The following CACUL1 variants were observed in gnomAD, a reference collection of about 807,000 sequenced individuals.
The protein encoded by CACUL1 is CDK2 associated cullin domain 1.
A neutral mutation model predicts 45.2 loss-of-function variants in CACUL1; 13 were observed. That is an observed-to-expected ratio of 0.29 (90% CI 0.19 to 0.46). The LOEUF is 0.46. Ranked by LOEUF, CACUL1 falls within the 20% of genes least tolerant of loss-of-function variation. The pLI is 1.00. For missense variants in CACUL1, 421 were observed against 471.4 expected (o/e 0.89, Z 0.99); for synonymous variants, 197 against 174.2 (o/e 1.13, Z -1.03).
chr10:118,713,265 A>T (rs1044215963), intron 3 of CACUL1, among the ~76,000 whole-genome samples: 5 of 152,240 alleles, frequency 3.3e-5, no homozygotes, highest in African/African-American at 1.2e-4. Flanking sequence ...GAAGCCAGGC[A>T]GTAGTAACAG....
Position 118,686,178 on chromosome 10 carries a change from C to T in CACUL1, c.1070-10G>A. The stretch of plus-strand genomic sequence containing the variant: ...CATGCTGACGAGCTATCTGAAAAAA[C>T]ATCAGAATAGGAAAAAGTATGAAGA... On this transcript the variant is annotated splice_polypyrimidine_tract_variant and intron_variant, in intron 8 of 8. Coordinates refer to ENST00000369151, the MANE Select transcript of CACUL1 (RefSeq NM_153810.5). 6.2e-7 allele frequency: 1 copy of T among 1,609,698 alleles called. No individual in the cohort carries two copies. Among genetic ancestry groups the T allele is most frequent in the South Asian group, 1.1e-5 (1 of 90,992 alleles).
intron 5 of CACUL1, among the ~76,000 whole-genome samples, chr10:118,696,487 C>CA (rs1332348964): frequency 1.3e-5 from 2 of 152,052 alleles, no homozygotes; most frequent in South Asian, 2.1e-4. Context: ...ACTAAAAATA[C>CA]AAAAAAATTG....
chr10:118,742,987 T>C (rs1845806323), intron 1 of CACUL1, among the ~76,000 whole-genome samples: 1 of 152,244 alleles, frequency 6.6e-6, no homozygotes, highest in East Asian at 1.9e-4. Flanking sequence ...CTTTATTCAC[T>C]ATACTACTTC....
rs1845119860 is a variant in CACUL1, at chr10:118,678,599, C to T, written c.*7529G>A. The T allele has an allele frequency of 6.6e-6, 1 of 151,578 alleles. No homozygotes were observed. The highest frequency in any genetic ancestry group is 1.5e-5 in the Non-Finnish European group (1 of 67,992). The allele number at this position is 151,578 out of a possible 1,614,324, so 9.4% of individuals were successfully genotyped here. ...TGAGTGTTATCCCTTATATTCTCTACACTTATTTAGGTCCATTAAGTTTTT... is the reference window on the plus strand; with the variant it reads ...TGAGTGTTATCCCTTATATTCTCTATACTTATTTAGGTCCATTAAGTTTTT... On this transcript the variant is annotated 3_prime_UTR_variant, in exon 9 of 9. Transcript: ENST00000369151.
chr10:118,729,787 G>T (rs1237127307), intron 2 of CACUL1, among the ~76,000 whole-genome samples: 1 of 152,196 alleles, frequency 6.6e-6, no homozygotes, highest in African/African-American at 2.4e-5. Context: ...ACTCACGGAA[G>T]TGTTTGCAAT....
rs566154565 is a variant in CACUL1 at position 118,754,348 on chromosome 10, C to T, written c.367+48G>A. The T allele has an allele frequency of 1.3e-5, 19 of 1,446,480 alleles. No homozygotes were observed. The East Asian group carries it at 3.6e-4, about 28-fold the overall frequency. 89.6% of individuals were successfully genotyped at this position (1,446,480 alleles called of 1,614,324 possible). A position where few individuals can be genotyped will look rare whatever the true frequency, so the allele number is the denominator to read the frequency against. ...TCCAAGAGGGGGTGGATTCGGCGTC[C>T]GAGTGAGGTGGAGAAAAGCCAAGGC... On this transcript the variant is annotated intron_variant, in intron 1 of 8. Coordinates refer to ENST00000369151, the MANE Select transcript of CACUL1 (RefSeq NM_153810.5).
At chr10:118,710,537 G>A (rs116168187) in intron 3 of CACUL1, among the ~76,000 whole-genome samples, 2,211 of 152,230 alleles carry the variant, frequency 0.015, 51 homozygotes, top group African/African-American at 0.05. Context: ...CTCCCTGACT[G>A]TTCTTTCTAC....
In CACUL1 at chr10:118,685,971, A is replaced by G. The variant is rs1438968992; in HGVS notation, c.*157T>C. 2 of 416,196 alleles carry G rather than the reference A, an allele frequency of 4.8e-6. No individual in the cohort carries two copies. Among genetic ancestry groups the G allele is most frequent in the East Asian group, 7.1e-5 (2 of 27,988 alleles). 25.8% of individuals were successfully genotyped at this position (416,196 alleles called of 1,614,324 possible). On this transcript the variant is annotated 3_prime_UTR_variant, in exon 9 of 9. Transcript: ENST00000369151. ...TTTTTTTTTTTTTAGTTTTTGTTTT[A>G]AAATTACAAACCAAGTAAGAAGTCC...
Position 118,681,029 on chromosome 10 carries a change from G to A in CACUL1, c.*5099C>T, listed in dbSNP as rs552521230. ...TTATTTCATTTACCACAATGTTTTA[G>A]AGTGAAAGTATATGCCCTAATACAG... On this transcript the variant is annotated 3_prime_UTR_variant, in exon 9 of 9. Transcript: ENST00000369151. The A allele has an allele frequency of 2.6e-4, 40 of 152,328 alleles. No homozygotes were observed. The highest frequency in any genetic ancestry group is 9.6e-4 in the African/African-American group (40 of 41,572). 9.4% of individuals were successfully genotyped at this position (152,328 alleles called of 1,614,324 possible). A position where few individuals can be genotyped will look rare whatever the true frequency, so the allele number is the denominator to read the frequency against.
rs557995944 is a variant in CACUL1 at position 118,753,742 on chromosome 10, C to T, written c.367+654G>A. On this transcript the variant is annotated intron_variant, in intron 1 of 8. Transcript: ENST00000369151. ...ACAAGACATAACCCATCCTGAAAGG[C>T]TTATTCTTATGAGTGTAAGCTCTGA... is the stretch of plus-strand genomic sequence containing the variant. 3.3e-5 allele frequency among the ~76,000 whole-genome samples: 5 copies of T among 152,318 alleles called. No individual in the cohort carries two copies. In the East Asian group the frequency reaches 7.7e-4, roughly 23 times the overall value.
At chr10:118,701,118 T>A (rs562592154) in intron 5 of CACUL1, among the ~76,000 whole-genome samples, 188 bp downstream of exon 5, 23 of 152,086 alleles carry the variant, frequency 1.5e-4, no homozygotes, top group African/African-American at 4.8e-4. Flanking sequence ...TGCTCACAGC[T>A]CACCGGGTGA....
chr10:118,710,616 A>T (rs1845475415), intron 3 of CACUL1, among the ~76,000 whole-genome samples: 1 of 152,024 alleles, frequency 6.6e-6, no homozygotes, highest in Non-Finnish European at 1.5e-5. Context: ...AAATATCTGA[A>T]CTACATGGCC....
intron 1 of CACUL1, among the ~76,000 whole-genome samples, chr10:118,747,311 G>C (rs1845853663): frequency 6.6e-6 from 1 of 152,170 alleles, no homozygotes; most frequent in Non-Finnish European, 1.5e-5. Flanking sequence ...TACAGCTGAT[G>C]GGAGTGTAAA....
chr10:118,731,072 C>A (rs186302498), intron 1 of CACUL1, among the ~76,000 whole-genome samples: 4 of 152,298 alleles, frequency 2.6e-5, no homozygotes, highest in African/African-American at 9.6e-5. Flanking sequence ...CAGACAGGCT[C>A]TTACTCCCAC....
Position 118,716,238 on chromosome 10 carries a change from A to G in CACUL1, c.598-8651T>C, listed in dbSNP as rs1358767373. Among the ~76,000 whole-genome samples, 10 of 151,866 alleles carry G rather than the reference A, an allele frequency of 6.6e-5. No homozygotes were observed. The East Asian group carries it at 1.7e-3, about 26-fold the overall frequency. On this transcript the variant is annotated intron_variant, in intron 3 of 8. Transcript: ENST00000369151. ...CAGAGCAAGACTCCGTCTCAAAAAA[A>G]AAAAGAAAAAGAAAAAGAAAAAAAT... is the stretch of plus-strand genomic sequence containing the variant.
At chr10:118,745,905 G>A (rs1402121829) in intron 1 of CACUL1, among the ~76,000 whole-genome samples, 1 of 151,712 alleles carries the variant, frequency 6.6e-6, no homozygotes, top group African/African-American at 2.4e-5. Context: ...TTGGGAAGCC[G>A]AGGTGGGTGG....
At chr10:118,712,094 A>G (rs550110079) in intron 3 of CACUL1, among the ~76,000 whole-genome samples, 11 of 152,376 alleles carry the variant, frequency 7.2e-5, no homozygotes, top group Admixed American at 6.5e-4. Flanking sequence ...AAAACAAGAA[A>G]AAAACTGCCA....
chr10:118,740,883 G>A (rs558457243), intron 1 of CACUL1, among the ~76,000 whole-genome samples: 15 of 148,888 alleles, frequency 1.0e-4, no homozygotes, highest in African/African-American at 1.2e-4. Flanking sequence ...CCAAGATCGC[G>A]CCACCGCACT....
At position 118,733,769 on chromosome 10, in the gene CACUL1, T is replaced by C. The variant is rs1179317369; in HGVS notation, c.368-3359A>G. ...GCTCATGCCTGTAATCCCAGCACTT[T>C]GGGAGACCGAGGCGAGAGCACCGCC... is the stretch of plus-strand genomic sequence containing the variant. On this transcript the variant is annotated intron_variant, in intron 1 of 8. Coordinates refer to ENST00000369151, the MANE Select transcript of CACUL1 (RefSeq NM_153810.5). Among the ~76,000 whole-genome samples, 3 of 152,304 alleles carry C rather than the reference T, an allele frequency of 2.0e-5. No individual in the cohort carries two copies. The East Asian group carries it at 5.8e-4, about 29-fold the overall frequency.
Sources: gnomAD v4.1 joint callset for allele counts (sites outside exome capture counted in the v4.1 genomes callset) on GRCh38, gnomAD v4.1.1 for gene constraint, MANE v1.5 for transcripts, NCBI Gene and HGNC (gene_info 2026-07-23, HGNC 2026-07-21) for gene names.